The following COPE variants were observed in gnomAD, a reference collection of about 807,000 sequenced individuals.
COPE encodes coatomer subunit epsilon.
COPE carries 19 observed loss-of-function variants against 42.1 expected under a neutral mutation model. The observed-to-expected ratio is 0.45, with a 90% CI of 0.31 to 0.66. The LOEUF is 0.66. Among genes scored for constraint, COPE ranks in the 30% least tolerant of loss-of-function variants. The pLI is 0.05. For missense variants in COPE, 402 were observed against 416.1 expected (o/e 0.97, Z 0.30); for synonymous variants, 195 against 181.3 (o/e 1.08, Z -0.60).
rs764767075 is a variant in COPE at position 18,899,720 on chromosome 19, C to T, written c.886G>A (p.Asp296Asn). Residue 296 changes from aspartate (D) to asparagine (N), a missense_variant, in exon 10 of 10, where the codon GAC becomes AAC. Transcript: ENST00000262812. ...FIKEYQAKEN[D>N]FDRLVLQYAP... is the part of the protein sequence containing the mutation. The stretch of plus-strand genomic sequence containing the variant: ...TACTGTAGCACCAGCCTGTCAAAGT[C>T]GTTCTCCTTTAGCAAGACACATGGC... 9.3e-6 allele frequency: 15 copies of T among 1,613,640 alleles called. No individual in the cohort carries two copies. Among genetic ancestry groups the T allele is most frequent in the South Asian group, 4.4e-5 (4 of 91,086 alleles).
chr19:18,902,813 G>GAAAGAAAGAAAGA (rs1227785581), intron 7 of COPE, among the ~76,000 whole-genome samples: 1 of 53,844 alleles, frequency 1.9e-5, no homozygotes, highest in Non-Finnish European at 4.1e-5. Flanking sequence ...AGGAAGGAAG[G>GAAAGAAAGAAAGA]AAGGAAGGAA....
At chr19:18,900,062 C>A in intron 8 of COPE, 115 bp from the exon 9 acceptor site, 1 of 876,042 alleles carries the variant, frequency 1.1e-6, no homozygotes, top group Admixed American at 2.6e-5. Flanking sequence ...GGGCTCCTCA[C>A]CCTGCCTTGG....
At chr19:18,919,151 C>A in intron 1 of COPE, 72 bp downstream of exon 1, 1 of 1,517,442 alleles carries the variant, frequency 6.6e-7, no homozygotes, top group Non-Finnish European at 9.0e-7. Flanking sequence ...AGACGCAGAA[C>A]GCGGCTCGCG....
chr19:18,919,162 G>T, intron 1 of COPE, 61 bp downstream of exon 1: 1 of 1,542,044 alleles, frequency 6.5e-7, no homozygotes, highest in Non-Finnish European at 8.8e-7. Context: ...GCGGCTCGCG[G>T]CCACCAGAAA....
intron 4 of COPE, 68 bp from the exon 5 acceptor site, chr19:18,905,697 A>G (rs940676017): frequency 1.1e-5 from 16 of 1,496,032 alleles, no homozygotes; most frequent in African/African-American, 1.4e-5. Context: ...CTCCACACCC[A>G]GGGCTCACTG....
intron 5 of COPE, among the ~76,000 whole-genome samples, chr19:18,905,250 C>T (rs1172568811): frequency 6.6e-6 from 1 of 152,178 alleles, no homozygotes; most frequent in African/African-American, 2.4e-5. Flanking sequence ...GTGCAGGCCC[C>T]GCCAGCCCCA....
At chr19:18,911,323 C>T (rs2056808533) in intron 2 of COPE, 1 of 513,146 alleles carries the variant, frequency 1.9e-6, no homozygotes, top group Admixed American at 3.2e-5. Context: ...AGGTTACTGT[C>T]TATCCCCTGG....
At chr19:18,908,517 C>G (rs1283283729) in intron 3 of COPE, among the ~76,000 whole-genome samples, 1 of 74,680 alleles carries the variant, frequency 1.3e-5, no homozygotes, top group Non-Finnish European at 2.5e-5. Flanking sequence ...AAAACCCCAT[C>G]TCTCTTTTTT....
intron 7 of COPE, among the ~76,000 whole-genome samples, chr19:18,902,893 C>G (rs925874296): frequency 2.6e-5 from 4 of 151,596 alleles, no homozygotes; most frequent in Non-Finnish European, 4.4e-5. Flanking sequence ...GCTCTCTCAA[C>G]GAAGAGCTCC....
In COPE at chr19:18,912,997, G is replaced by A. The variant is rs1338713983; in HGVS notation, c.176C>T (p.Ala59Val). ...GCCCGCACTCACCTGCGCCAGGTACGCTCTATACAGGAAGACGTCCCTCTC... is the reference window on the plus strand; with the variant it reads ...GCCCGCACTCACCTGCGCCAGGTACACTCTATACAGGAAGACGTCCCTCTC... ...DVERDVFLYR[A>V]YLAQRKFGVV... The change falls in exon 2 of 10, where the codon GCG becomes GTG. Residue 59 changes from alanine to valine, a missense_variant. Ala to Val is a moderately conservative substitution (Grantham distance 64, BLOSUM62 0). Coordinates refer to ENST00000262812, the MANE Select transcript of COPE (RefSeq NM_007263.4). 4 of 1,611,852 alleles carry A rather than the reference G, an allele frequency of 2.5e-6. No individual in the cohort carries two copies. Among genetic ancestry groups the A allele is most frequent in the South Asian group, 2.2e-5 (2 of 91,082 alleles).
chr19:18,901,750 G>A (rs2056700775), intron 7 of COPE, among the ~76,000 whole-genome samples: 1 of 152,244 alleles, frequency 6.6e-6, no homozygotes, highest in African/African-American at 2.4e-5. Context: ...GGACAACACA[G>A]TGAGACCCCA....
At chr19:18,905,712 T>C in intron 4 of COPE, 83 bp from the exon 5 acceptor site, 1 of 1,399,286 alleles carries the variant, frequency 7.1e-7, no homozygotes, top group South Asian at 1.2e-5. Flanking sequence ...TCACTGTGTG[T>C]GTCTGGGATG....
intron 7 of COPE, 66 bp downstream of exon 7, chr19:18,903,202 C>T (rs2056725165): frequency 6.8e-7 from 1 of 1,472,018 alleles, no homozygotes; most frequent in East Asian, 2.5e-5. Context: ...TTCTGTCCGC[C>T]CTGACCCCAC....
chr19:18,908,449 C>T (rs987371502), intron 3 of COPE, among the ~76,000 whole-genome samples: 1 of 151,550 alleles, frequency 6.6e-6, no homozygotes, highest in Non-Finnish European at 1.5e-5. Flanking sequence ...GCAACAAAAT[C>T]AATTACTGGG....
intron 2 of COPE, among the ~76,000 whole-genome samples, chr19:18,911,633 G>GCTC (rs1386577013): frequency 6.0e-5 from 9 of 150,696 alleles, no homozygotes; most frequent in African/African-American, 2.2e-4. Flanking sequence ...CTCACTGCAA[G>GCTC]CTCCACCTCC....
Position 18,902,730 on chromosome 19 carries a change from A to AAAGGAAGGAAGGAAGGAAGG in COPE, c.735+537_735+538insCCTTCCTTCCTTCCTTCCTT, listed in dbSNP as rs1568314615. Among the ~76,000 whole-genome samples the AAAGGAAGGAAGGAAGGAAGG allele has an allele frequency of 4.3e-4, 27 of 62,344 alleles. 2 individuals are homozygous for AAAGGAAGGAAGGAAGGAAGG. The highest frequency in any genetic ancestry group is 3.0e-3 in the African/African-American group (23 of 7,682). The allele number at this position is 62,344 out of a possible 152,430, so 40.9% of individuals were successfully genotyped here. A position where few individuals can be genotyped will look rare whatever the true frequency, so the allele number is the denominator to read the frequency against. On this transcript the variant is annotated intron_variant, in intron 7 of 9. Coordinates refer to ENST00000262812, the MANE Select transcript of COPE (RefSeq NM_007263.4). ...GGAAAGGAAGGAAAGGAAAGGAAGG[A>AAAGGAAGGAAGGAAGGAAGG]AAGGAAGGAAAGGAAGGAAAGGAAG...
chr19:18,906,684 AACCGAGCAGAG>A (rs745858332), intron 4 of COPE: 35 of 341,752 alleles, frequency 1.0e-4, no homozygotes, highest in South Asian at 3.2e-4. Context: ...GGGACACAGA[AACCGAGCAGAG>A]ACAAAGCCGC....
chr19:18,901,225 A>G (rs867401393), intron 7 of COPE, among the ~76,000 whole-genome samples: 1 of 152,250 alleles, frequency 6.6e-6, no homozygotes, highest in African/African-American at 2.4e-5. Flanking sequence ...GTGGTGTTTC[A>G]AGAGACAAGG....
chr19:18,902,817 G>GAAAGA (rs1458260385), intron 7 of COPE, among the ~76,000 whole-genome samples: 1 of 29,814 alleles, frequency 3.4e-5, no homozygotes, highest in African/African-American at 3.1e-4. Context: ...AGGAAGGAAG[G>GAAAGA]AAGGAAGGAA....
Sources: allele counts gnomAD v4.1 joint callset (sites outside exome capture counted in the v4.1 genomes callset), GRCh38; gene constraint gnomAD v4.1.1; transcripts MANE v1.5; gene names NCBI Gene and HGNC (gene_info 2026-07-23, HGNC 2026-07-21).